The following LRP1B variants were observed in gnomAD, a reference collection of about 807,000 sequenced individuals.
The protein encoded by LRP1B is LDL receptor related protein 1B.
LRP1B carries 217 observed loss-of-function variants against 556.6 expected under a neutral mutation model. The observed-to-expected ratio is 0.39, with a 90% CI of 0.35 to 0.44. The LOEUF is 0.44. Among genes scored for constraint, LRP1B ranks in the 20% least tolerant of loss-of-function variants. LRP1B has a pLI of 1.00. For synonymous variants in LRP1B, 2,047 were observed against 1,865.8 expected, an observed-to-expected ratio of 1.10 and a Z score of -2.50; for missense variants, 5,053 against 5,620.8, an observed-to-expected ratio of 0.90 and a Z score of 3.23.
At chr2:141,631,002 A>G (rs1202716975) in intron 2 of LRP1B, among the ~76,000 whole-genome samples, 2 of 152,052 alleles carry the variant, frequency 1.3e-5, no homozygotes, top group African/African-American at 4.8e-5. Flanking sequence ...GTCTGTTCTC[A>G]TGCTGCTATA....
chr2:140,965,372 A>G (rs1188591565), intron 18 of LRP1B, among the ~76,000 whole-genome samples: 1 of 149,108 alleles, frequency 6.7e-6, no homozygotes, highest in African/African-American at 2.5e-5. Context: ...TTTTTTTTCT[A>G]CTTGAAAAAT....
intron 2 of LRP1B, among the ~76,000 whole-genome samples, chr2:141,495,861 T>C (rs1683490958): frequency 6.6e-6 from 1 of 152,106 alleles, no homozygotes. Context: ...ACATTTTTCT[T>C]GTAGCTTCAC....
chr2:141,460,235 A>G (rs990396017), intron 3 of LRP1B, among the ~76,000 whole-genome samples: 3 of 152,170 alleles, frequency 2.0e-5, no homozygotes, highest in African/African-American at 4.8e-5. Context: ...TACTACAATC[A>G]TCCATTAGCT....
intron 3 of LRP1B, among the ~76,000 whole-genome samples, chr2:141,432,529 T>C (rs1244682154): frequency 6.6e-6 from 1 of 152,042 alleles, no homozygotes; most frequent in African/African-American, 2.4e-5. Context: ...TCTTTAAGTG[T>C]TTAGTAGAAT....
At chr2:141,090,162 T>C (rs1700141381) in intron 7 of LRP1B, among the ~76,000 whole-genome samples, 1 of 152,208 alleles carries the variant, frequency 6.6e-6, no homozygotes, top group South Asian at 2.1e-4. Flanking sequence ...GATTTGCATA[T>C]ACGTTTCATC....
At chr2:141,960,148 T>C (rs1245465968) in intron 1 of LRP1B, among the ~76,000 whole-genome samples, 1 of 151,732 alleles carries the variant, frequency 6.6e-6, no homozygotes, top group Non-Finnish European at 1.5e-5. Context: ...GCTGTGAGAG[T>C]AGCTGTGAGA....
intron 37 of LRP1B, among the ~76,000 whole-genome samples, chr2:140,703,954 G>A (rs1460379798): frequency 6.6e-6 from 1 of 152,120 alleles, no homozygotes; most frequent in African/African-American, 2.4e-5. Flanking sequence ...TGAAAAGCAG[G>A]GTGATGGACA....
At chr2:140,552,537 A>G (rs1680583036) in intron 43 of LRP1B, among the ~76,000 whole-genome samples, 2 of 152,268 alleles carry the variant, frequency 1.3e-5, no homozygotes. Flanking sequence ...ATTAAATTTC[A>G]TATGGAACAG....
At position 141,165,120 on chromosome 2, in the gene LRP1B, A is replaced by G. The variant is rs118012783; in HGVS notation, c.1013+23301T>C. 3.9e-5 allele frequency among the ~76,000 whole-genome samples: 6 copies of G among 152,154 alleles called. No individual in the cohort carries two copies. In the East Asian group the frequency reaches 1.2e-3, roughly 29 times the overall value. On this transcript the variant is annotated intron_variant, in intron 7 of 90. Coordinates refer to ENST00000389484, the MANE Select transcript of LRP1B (RefSeq NM_018557.3). ...TGTCATTAGGCAGAGAGACTGTGAA[A>G]TGAACATAAACACCTAGATTAAAAG...
intron 3 of LRP1B, among the ~76,000 whole-genome samples, chr2:141,300,887 C>T (rs1466471164): frequency 6.6e-6 from 1 of 151,818 alleles, no homozygotes; most frequent in East Asian, 1.9e-4. Context: ...TTTATAGAGT[C>T]CTCAGGTGTT....
At chr2:140,534,294 T>C in intron 46 of LRP1B, among the ~76,000 whole-genome samples, 154 bp from the exon 47 acceptor site, 1 of 152,148 alleles carries the variant, frequency 6.6e-6, no homozygotes, top group South Asian at 2.1e-4. Context: ...AGAATGTTTA[T>C]GTGTTGTCAA....
chr2:142,028,687 T>C (rs1161420639), intron 1 of LRP1B, among the ~76,000 whole-genome samples: 2 of 151,992 alleles, frequency 1.3e-5, no homozygotes, highest in Admixed American at 6.6e-5. Context: ...GGTAAATGCC[T>C]AGAAGTCGGG....
chr2:140,748,591 G>GTGCATATA (rs1361412390), intron 35 of LRP1B, among the ~76,000 whole-genome samples: 1 of 73,330 alleles, frequency 1.4e-5, no homozygotes, highest in Admixed American at 2.2e-4. Context: ...TATACAGTGT[G>GTGCATATA]TATATATATA....
chr2:140,679,448 A>T (rs1481473382), intron 41 of LRP1B, among the ~76,000 whole-genome samples: 1 of 152,182 alleles, frequency 6.6e-6, no homozygotes, highest in Admixed American at 6.5e-5. Flanking sequence ...ATCATTCTGA[A>T]ATTTCAATGA....
intron 3 of LRP1B, among the ~76,000 whole-genome samples, chr2:141,356,585 T>A (rs16845897): frequency 6.6e-6 from 1 of 151,748 alleles, no homozygotes; most frequent in African/African-American, 2.4e-5. Context: ...AGAGGTAACA[T>A]GTATGTTTTT....
chr2:141,335,237 C>T (rs577742816), intron 3 of LRP1B, among the ~76,000 whole-genome samples: 1 of 152,116 alleles, frequency 6.6e-6, no homozygotes, highest in Admixed American at 6.6e-5. Flanking sequence ...AATGGTTATC[C>T]CAAGATGAGG....
intron 2 of LRP1B, among the ~76,000 whole-genome samples, chr2:141,766,000 T>C (rs1400358260): frequency 1.3e-5 from 2 of 152,190 alleles, no homozygotes; most frequent in African/African-American, 2.4e-5. Flanking sequence ...AAGGAGCACG[T>C]GAAAAAAATC....
At chr2:141,506,788 G>C (rs943673968) in intron 2 of LRP1B, among the ~76,000 whole-genome samples, 1 of 151,948 alleles carries the variant, frequency 6.6e-6, no homozygotes, top group Admixed American at 6.6e-5. Flanking sequence ...AATATTTCTT[G>C]TGTTTTTTAT....
At chr2:141,921,004 C>T (rs1700171708) in intron 1 of LRP1B, among the ~76,000 whole-genome samples, 1 of 151,964 alleles carries the variant, frequency 6.6e-6, no homozygotes, top group Non-Finnish European at 1.5e-5. Context: ...TTCCTTCATC[C>T]TACCCCTAGC....
Sources: gnomAD v4.1 joint callset for allele counts (sites outside exome capture counted in the v4.1 genomes callset) on GRCh38, gnomAD v4.1.1 for gene constraint, MANE v1.5 for transcripts, NCBI Gene and HGNC (gene_info 2026-07-23, HGNC 2026-07-21) for gene names.